The following GAL3ST2 variants were observed in gnomAD, a reference collection of about 807,000 sequenced individuals.
The protein encoded by GAL3ST2 is beta-galactose-3-O-sulfotransferase 2.
GAL3ST2 carries 16 observed loss-of-function variants against 12.9 expected under a neutral mutation model. The ratio of observed to expected loss-of-function variants is 1.24; its 90% CI spans 0.84 to 1.88. GAL3ST2 has a LOEUF of 1.88. Among genes scored for constraint, GAL3ST2 ranks in the 40% most tolerant of loss-of-function variants. The pLI is 0.00. For missense variants in GAL3ST2, 639 were observed against 571.8 expected (o/e 1.12, Z -1.20); for synonymous variants, 302 against 273.9 (o/e 1.10, Z -1.01).
intron 1 of GAL3ST2, among the ~76,000 whole-genome samples, chr2:241,796,630 A>G (rs73011976): frequency 0.14 from 21,783 of 151,800 alleles, 1,750 homozygotes; most frequent in African/African-American, 0.19. Flanking sequence ...CCCACATCCC[A>G]CTGTTCTCTC....
intron 1 of GAL3ST2, among the ~76,000 whole-genome samples, chr2:241,782,227 C>G (rs1390522781): frequency 6.6e-6 from 1 of 152,194 alleles, no homozygotes; most frequent in Non-Finnish European, 1.5e-5. Context: ...TATTTTATCT[C>G]TCAAAATCAG....
At chr2:241,777,039 T>G in intron 1 of GAL3ST2, 55 bp downstream of exon 1, 2 of 1,399,696 alleles carry the variant, frequency 1.4e-6, no homozygotes, top group Non-Finnish European at 1.9e-6. Flanking sequence ...CTGTGGCTAT[T>G]CTGAGAGACG....
chr2:241,782,517 A>C (rs941538940), intron 1 of GAL3ST2, among the ~76,000 whole-genome samples: 7 of 151,770 alleles, frequency 4.6e-5, no homozygotes, highest in African/African-American at 1.7e-4. Flanking sequence ...GTAGAGATGG[A>C]GTTTCACCAT....
At position 241,793,572 on chromosome 2, in the gene GAL3ST2, C is replaced by T. The variant is rs902006441; in HGVS notation, c.30-5493C>T. On this transcript the variant is annotated intron_variant, in intron 1 of 3. Transcript: ENST00000192314. The surrounding 1 kb of genome is among the most constrained non-coding windows in gnomAD (Gnocchi z 4.7). ...ATATGTATGTATGTGTATATGTGTG[C>T]GTATATGTGTATGTATGTATATGTG... Among the ~76,000 whole-genome samples, 5 of 145,178 alleles carry T rather than the reference C, an allele frequency of 3.4e-5. No individual in the cohort carries two copies. The highest frequency in any genetic ancestry group is 1.4e-4 in the Admixed American group (2 of 14,534).
At position 241,803,740 on chromosome 2, in the gene GAL3ST2, C is replaced by A; in HGVS notation, c.771C>A (p.Ser257Arg). ...TGGCCTTCAGGCTCAACTCCCGCAGCGCGCGCTCCGTGGCCCGCCTGTCGC... is the reference window on the plus strand; with the variant it reads ...TGGCCTTCAGGCTCAACTCCCGCAGAGCGCGCTCCGTGGCCCGCCTGTCGC... ...DVVAFRLNSRSARSVARLSPE... is the reference protein window; with the variant it reads ...DVVAFRLNSRRARSVARLSPE... Residue 257 changes from serine (S) to arginine (R), a missense_variant, in exon 4 of 4, where the codon AGC becomes AGA. By Grantham distance (110) the Ser-to-Arg change is moderately radical. Coordinates refer to ENST00000192314, the MANE Select transcript of GAL3ST2 (RefSeq NM_022134.3). 1 of 1,527,466 alleles carries A rather than the reference C, an allele frequency of 6.5e-7. No individual in the cohort carries two copies. Among genetic ancestry groups the A allele is most frequent in the Non-Finnish European group, 8.8e-7 (1 of 1,140,160 alleles). The allele number at this position is 1,527,466 out of a possible 1,614,324, so 94.6% of individuals were successfully genotyped here.
In GAL3ST2 at chr2:241,793,164, C is replaced by T. The variant is rs568129585; in HGVS notation, c.30-5901C>T. On this transcript the variant is annotated intron_variant, in intron 1 of 3. Transcript: ENST00000192314. The surrounding 1 kb of genome is among the most constrained non-coding windows in gnomAD (Gnocchi z 4.7). ...GCTGGGTCATGGGTGCGCGTCCTCACCCTTGGCAAAGTAAGCTTTCTAAAT... is the reference window on the plus strand; with the variant it reads ...GCTGGGTCATGGGTGCGCGTCCTCATCCTTGGCAAAGTAAGCTTTCTAAAT... 6.6e-6 allele frequency among the ~76,000 whole-genome samples: 1 copy of T among 152,358 alleles called. No individual in the cohort carries two copies. Among genetic ancestry groups the T allele is most frequent in the East Asian group, 1.9e-4 (1 of 5,194 alleles).
intron 1 of GAL3ST2, among the ~76,000 whole-genome samples, chr2:241,778,064 C>G (rs1021047849): frequency 6.6e-6 from 1 of 152,238 alleles, no homozygotes; most frequent in African/African-American, 2.4e-5. Context: ...ACGTCCCACA[C>G]TAAGGCCAGG....
Position 241,795,668 on chromosome 2 carries a change from C to T in GAL3ST2, c.30-3397C>T, listed in dbSNP as rs567649153. Among the ~76,000 whole-genome samples, 55 of 152,348 alleles carry T rather than the reference C, an allele frequency of 3.6e-4. No individual in the cohort carries two copies. The highest frequency in any genetic ancestry group is 3.4e-3 in the Middle Eastern group (1 of 294). On this transcript the variant is annotated intron_variant, in intron 1 of 3. Coordinates refer to ENST00000192314, the MANE Select transcript of GAL3ST2 (RefSeq NM_022134.3). The surrounding 1 kb of genome is among the most constrained non-coding windows in gnomAD (Gnocchi z 4.5). ...CTCCCGGGGAGGGTCTTGGGAAGTC[C>T]GCAGAAGTGGCCCAATGGCAGAGCA...
chr2:241,792,810 A>G (rs745506910), intron 1 of GAL3ST2, among the ~76,000 whole-genome samples: 24 of 152,244 alleles, frequency 1.6e-4, no homozygotes, highest in Non-Finnish European at 3.2e-4. Flanking sequence ...GGAGGAGTCT[A>G]GCTGGGAACT....
At position 241,795,680 on chromosome 2, in the gene GAL3ST2, C is replaced by T. The variant is rs550900868; in HGVS notation, c.30-3385C>T. On this transcript the variant is annotated intron_variant, in intron 1 of 3. Transcript: ENST00000192314. The surrounding 1 kb of genome is among the most constrained non-coding windows in gnomAD (Gnocchi z 4.5). ...GTCTTGGGAAGTCCGCAGAAGTGGC[C>T]CAATGGCAGAGCAGGAGCTCCGCTC... is the stretch of plus-strand genomic sequence containing the variant. Among the ~76,000 whole-genome samples, 3 of 152,228 alleles carry T rather than the reference C, an allele frequency of 2.0e-5. No homozygotes were observed. Among genetic ancestry groups the T allele is most frequent in the Non-Finnish European group, 2.9e-5 (2 of 68,032 alleles).
chr2:241,804,271 C>T lies in GAL3ST2; in HGVS notation c.*105C>T. 1 of 1,003,962 alleles carries T rather than the reference C, an allele frequency of 1.0e-6. No individual in the cohort carries two copies. Among genetic ancestry groups the T allele is most frequent in the Non-Finnish European group, 1.3e-6 (1 of 742,076 alleles). 62.2% of individuals were successfully genotyped at this position (1,003,962 alleles called of 1,614,324 possible). A position where few individuals can be genotyped will look rare whatever the true frequency, so the allele number is the denominator to read the frequency against. On this transcript the variant is annotated 3_prime_UTR_variant, in exon 4 of 4. Coordinates refer to ENST00000192314, the MANE Select transcript of GAL3ST2 (RefSeq NM_022134.3). ...CAGGGCTTCTGGGGCGTTGGGAAAC[C>T]CAGGCCCGCCGGCCACGGCTCTAAA...
chr2:241,799,942 A>G (rs35964352), intron 2 of GAL3ST2, among the ~76,000 whole-genome samples: 73,329 of 152,130 alleles, frequency 0.48, 19,920 homozygotes, highest in African/African-American at 0.75. Context: ...CCAGCCCTAC[A>G]TCTGGCCGCT....
chr2:241,777,562 G>A (rs1446987645), intron 1 of GAL3ST2, among the ~76,000 whole-genome samples: 2 of 152,178 alleles, frequency 1.3e-5, no homozygotes, highest in Non-Finnish European at 2.9e-5. Context: ...TCTCCTGCTC[G>A]CCATCCTGTT....
chr2:241,779,435 G>A (rs1389646056), intron 1 of GAL3ST2, among the ~76,000 whole-genome samples: 10 of 150,512 alleles, frequency 6.6e-5, no homozygotes, highest in East Asian at 4.0e-4. Flanking sequence ...GGGTTTCACC[G>A]TGTTAGCCAG....
Position 241,803,868 on chromosome 2 carries a change from C to CGCG in GAL3ST2, c.905_907dup (p.Arg302dup). 3 of 1,427,686 alleles carry CGCG rather than the reference C, an allele frequency of 2.1e-6. No homozygotes were observed. The highest frequency in any genetic ancestry group is 2.7e-6 in the Non-Finnish European group (3 of 1,100,492). The allele number at this position is 1,427,686 out of a possible 1,614,324, so 88.4% of individuals were successfully genotyped here. A position where few individuals can be genotyped will look rare whatever the true frequency, so the allele number is the denominator to read the frequency against. Reference sequence around the variant, plus strand: ...GCGCAGCTGCGCGCCGAGCTGGGGCCGCGGCGGCTGCGCGGGGAGGTGGAG... The same window carrying CGCG: ...GCGCAGCTGCGCGCCGAGCTGGGGCCGCGGCGGCGGCTGCGCGGGGAGGTGGAG... On this transcript the variant is annotated inframe_insertion, in exon 4 of 4. Transcript: ENST00000192314.
intron 1 of GAL3ST2, among the ~76,000 whole-genome samples, chr2:241,796,652 G>C (rs536819029): frequency 2.1e-4 from 32 of 152,300 alleles, no homozygotes; most frequent in Non-Finnish European, 3.4e-4. Flanking sequence ...CTGATGGCCG[G>C]GGGGAGCAGG....
At chr2:241,777,023 C>T (rs761467334) in intron 1 of GAL3ST2, 39 bp downstream of exon 1, 1 of 1,454,270 alleles carries the variant, frequency 6.9e-7, no homozygotes, top group African/African-American at 1.5e-5. Context: ...GGACAAAGCG[C>T]TTCATCTGTG....
chr2:241,777,970 C>A (rs953156494), intron 1 of GAL3ST2, among the ~76,000 whole-genome samples: 1 of 152,176 alleles, frequency 6.6e-6, no homozygotes, highest in African/African-American at 2.4e-5. Flanking sequence ...CGAAGGCCCT[C>A]GGGGAGCCCA....
Position 241,799,186 on chromosome 2 carries a change from C to CG in GAL3ST2, c.119+35dup, listed in dbSNP as rs1357912079. On this transcript the variant is annotated intron_variant, in intron 2 of 3. Transcript: ENST00000192314. ...CCTGCCCCCACCATAAGTCCTGCCC[C>CG]GGGTACCTCCTAACAGCCCCGAGGA... 3.2e-6 allele frequency: 5 copies of CG among 1,585,572 alleles called. No individual in the cohort carries two copies. In the African/African-American group the frequency reaches 6.7e-5, roughly 21 times the overall value.
Sources: allele counts gnomAD v4.1 joint callset (sites outside exome capture counted in the v4.1 genomes callset), GRCh38; gene constraint gnomAD v4.1.1; non-coding constraint Gnocchi (gnomAD v3.1); transcripts MANE v1.5; gene names NCBI Gene and HGNC (gene_info 2026-07-23, HGNC 2026-07-21).